The following GRID2 variants were observed in gnomAD, a reference collection of about 807,000 sequenced individuals.
The protein encoded by GRID2 is glutamate receptor ionotropic, delta-2.
A neutral mutation model predicts 114.8 loss-of-function variants in GRID2; 33 were observed. The observed-to-expected ratio is 0.29, with a 90% CI of 0.22 to 0.38. The LOEUF (loss-of-function observed/expected upper bound fraction) is 0.38. Among genes scored for constraint, GRID2 ranks in the 10% least tolerant of loss-of-function variants. The pLI, the probability that GRID2 is intolerant of heterozygous loss-of-function variation, is 1.00. For missense variants in GRID2, 1,184 were observed against 1,257.7 expected (o/e 0.94, Z 0.89); for synonymous variants, 505 against 449.9 (o/e 1.12, Z -1.55).
chr4:93,554,988 C>T (rs965943382), intron 13 of GRID2, among the ~76,000 whole-genome samples: 1 of 152,120 alleles, frequency 6.6e-6, no homozygotes, highest in Non-Finnish European at 1.5e-5. Context: ...CATCACCTCA[C>T]CCAGGAAACA....
rs890614568 is a variant in GRID2, at chr4:93,105,347, A to G, written c.530-5401A>G. ...TTTGTCAATTTTGGCTTTTGTTGCC[A>G]TTGCTTTTGGTGTTTTAGACATGAA... On this transcript the variant is annotated intron_variant, in intron 3 of 15. Coordinates refer to ENST00000282020, the MANE Select transcript of GRID2 (RefSeq NM_001510.4). 3.9e-5 allele frequency among the ~76,000 whole-genome samples: 6 copies of G among 152,074 alleles called. No homozygotes were observed. In the East Asian group the frequency reaches 1.2e-3, roughly 29 times the overall value.
intron 1 of GRID2, among the ~76,000 whole-genome samples, chr4:92,397,279 A>G (rs946106331): frequency 6.6e-6 from 1 of 151,704 alleles, no homozygotes; most frequent in Non-Finnish European, 1.5e-5. Context: ...TCTGTTATTA[A>G]CTATATTAAA....
intron 14 of GRID2, among the ~76,000 whole-genome samples, chr4:93,728,888 G>A (rs1730206964): frequency 6.6e-6 from 1 of 152,132 alleles, no homozygotes; most frequent in African/African-American, 2.4e-5. Context: ...GTCTCTGCAT[G>A]TGAGATGGGT....
intron 13 of GRID2, among the ~76,000 whole-genome samples, chr4:93,555,250 C>T (rs191691807): frequency 4.6e-5 from 7 of 152,100 alleles, no homozygotes; most frequent in Non-Finnish European, 8.8e-5. Flanking sequence ...GGAATGCCAG[C>T]GAGACAGAAC....
chr4:93,228,107 A>G (rs1745710143), intron 7 of GRID2, among the ~76,000 whole-genome samples: 3 of 152,160 alleles, frequency 2.0e-5, no homozygotes, highest in African/African-American at 4.8e-5. Context: ...TATTATAACA[A>G]CAGCTCCACT....
rs901905754 is a variant in GRID2, at chr4:93,423,323, AT to A, written c.1545+363del. On this transcript the variant is annotated intron_variant, in intron 10 of 15. Transcript: ENST00000282020. ...GTAAGTTACACATGCAATTTGTACT[AT>A]TTTTTTTCTTTCTTTTTTTTTTTTT... 5.7e-4 allele frequency among the ~76,000 whole-genome samples: 60 copies of A among 105,958 alleles called. 1 individual carries two copies. The highest frequency in any genetic ancestry group is 9.4e-4 in the Admixed American group (9 of 9,586). The allele number at this position is 105,958 out of a possible 152,430, so 69.5% of individuals were successfully genotyped here.
chr4:92,857,196 T>G (rs1379917775), intron 2 of GRID2, among the ~76,000 whole-genome samples: 1 of 152,146 alleles, frequency 6.6e-6, no homozygotes, highest in Non-Finnish European at 1.5e-5. Context: ...TTGGGCCAAT[T>G]AACAATCCTA....
At chr4:93,524,109 T>C (rs921128394) in intron 13 of GRID2, among the ~76,000 whole-genome samples, 3 of 152,028 alleles carry the variant, frequency 2.0e-5, no homozygotes, top group African/African-American at 7.2e-5. Flanking sequence ...ATTAACTAGG[T>C]ATATGACCTC....
chr4:93,239,172 A>T (rs201733503), intron 8 of GRID2, among the ~76,000 whole-genome samples: 2 of 18,902 alleles, frequency 1.1e-4, no homozygotes, highest in Non-Finnish European at 2.1e-4. Context: ...GATATATATA[A>T]TATATATATA....
intron 13 of GRID2, among the ~76,000 whole-genome samples, chr4:93,528,093 A>G (rs910418546): frequency 1.3e-5 from 2 of 151,084 alleles, no homozygotes; most frequent in African/African-American, 2.5e-5. Flanking sequence ...GTATGTGTAT[A>G]TATGTGTATA....
At chr4:92,794,563 G>A (rs999865348) in intron 2 of GRID2, among the ~76,000 whole-genome samples, 5 of 151,762 alleles carry the variant, frequency 3.3e-5, no homozygotes, top group African/African-American at 1.2e-4. Context: ...GATAAATAGT[G>A]AAACTAATTG....
chr4:93,584,535 G>A (rs562867927), intron 13 of GRID2, among the ~76,000 whole-genome samples: 11 of 152,090 alleles, frequency 7.2e-5, no homozygotes, highest in African/African-American at 2.4e-4. Context: ...GAACTATTGT[G>A]TTCTAGTCTT....
chr4:92,597,829 A>G (rs1209793744), intron 2 of GRID2, among the ~76,000 whole-genome samples: 6 of 152,132 alleles, frequency 3.9e-5, no homozygotes, highest in Admixed American at 3.9e-4. Context: ...ATTTACCTAC[A>G]CTCGCAGTTG....
intron 1 of GRID2, among the ~76,000 whole-genome samples, chr4:93,791,498 C>T (rs1056243061): frequency 2.0e-4 from 31 of 152,040 alleles, no homozygotes; most frequent in African/African-American, 6.0e-4. Flanking sequence ...AGACTAAAAA[C>T]GGTCTTTATA....
chr4:93,129,518 T>G (rs138307713), intron 4 of GRID2, among the ~76,000 whole-genome samples: 2 of 152,176 alleles, frequency 1.3e-5, no homozygotes, highest in Non-Finnish European at 2.9e-5. Context: ...TGGAGACTAG[T>G]GCTACTAGGG....
chr4:92,310,214 T>G (rs1725625868), intron 1 of GRID2, among the ~76,000 whole-genome samples: 2 of 152,156 alleles, frequency 1.3e-5, no homozygotes, highest in South Asian at 2.1e-4. Context: ...TATTCTCACA[T>G]AGTAATTTAT....
At chr4:92,999,070 G>C (rs1755380594) in intron 2 of GRID2, among the ~76,000 whole-genome samples, 2 of 151,762 alleles carry the variant, frequency 1.3e-5, no homozygotes, top group African/African-American at 4.8e-5. Context: ...CAAAATTTAA[G>C]TGTGTTTTTA....
At chr4:92,448,322 A>G (rs1184180739) in intron 1 of GRID2, among the ~76,000 whole-genome samples, 1 of 152,026 alleles carries the variant, frequency 6.6e-6, no homozygotes, top group African/African-American at 2.4e-5. Flanking sequence ...CTATAGGTAC[A>G]TGCCACCATG....
intron 1 of GRID2, among the ~76,000 whole-genome samples, chr4:92,406,029 A>G (rs922538491): frequency 6.6e-6 from 1 of 152,066 alleles, no homozygotes; most frequent in Non-Finnish European, 1.5e-5. Flanking sequence ...CATGGAAGAG[A>G]GATGTAGGTT....
Sources: allele counts gnomAD v4.1 joint callset (sites outside exome capture counted in the v4.1 genomes callset), GRCh38; gene constraint gnomAD v4.1.1; transcripts MANE v1.5; gene names NCBI Gene and HGNC (gene_info 2026-07-23, HGNC 2026-07-21).